LUZP2: variants seen among roughly 807,000 people sequenced by gnomAD.
LUZP2 encodes the protein leucine zipper protein 2.
In LUZP2, 52 loss-of-function variants were observed where a neutral mutation model predicts 51.6. The ratio of observed to expected loss-of-function variants is 1.01; its 90% confidence interval spans 0.81 to 1.27. The LOEUF (loss-of-function observed/expected upper bound fraction) is 1.27, where lower values mean the gene tolerates loss of function less well. Ranked by LOEUF, LUZP2 falls within the 50% of genes most tolerant of loss-of-function variation. The pLI is 0.00. For missense variants in LUZP2, 436 were observed against 395.4 expected (o/e 1.10, Z -0.87); for synonymous variants, 154 against 137.3 (o/e 1.12, Z -0.85).
chr11:24,764,142 G>A (rs557248305), intron 5 of LUZP2, among the ~76,000 whole-genome samples: 23 of 152,228 alleles, frequency 1.5e-4, no homozygotes, highest in Middle Eastern at 3.4e-3. Context: ...CATTTTAAAC[G>A]AGATTAAAGT....
chr11:24,965,403 T>C (rs1395192098), intron 7 of LUZP2, among the ~76,000 whole-genome samples: 1 of 151,430 alleles, frequency 6.6e-6, no homozygotes, highest in African/African-American at 2.4e-5. Context: ...TCAAAGCTTC[T>C]CTGGAATATC....
At chr11:25,014,543 G>A (rs565805541) in intron 9 of LUZP2, among the ~76,000 whole-genome samples, 8 of 152,294 alleles carry the variant, frequency 5.3e-5, no homozygotes, top group Admixed American at 5.2e-4. Context: ...CTGCATAAAT[G>A]ACTTCTTTTG....
At chr11:24,864,446 G>A (rs1590658090) in intron 5 of LUZP2, among the ~76,000 whole-genome samples, 1 of 152,324 alleles carries the variant, frequency 6.6e-6, no homozygotes, top group East Asian at 1.9e-4. Flanking sequence ...AATAAAGGCT[G>A]TGATAATCAA....
chr11:24,979,682 T>A (rs1855974341), intron 8 of LUZP2, among the ~76,000 whole-genome samples: 1 of 151,836 alleles, frequency 6.6e-6, no homozygotes, highest in African/African-American at 2.4e-5. Flanking sequence ...CAGTATCTTA[T>A]GAATTATATA....
chr11:24,550,091 G>C (rs1851680995), intron 1 of LUZP2, among the ~76,000 whole-genome samples: 1 of 151,918 alleles, frequency 6.6e-6, no homozygotes, highest in African/African-American at 2.4e-5. Context: ...TACATGGCTT[G>C]GGATTTGAGA....
chr11:24,629,849 A>G (rs1406736760), intron 1 of LUZP2, among the ~76,000 whole-genome samples: 1 of 151,822 alleles, frequency 6.6e-6, no homozygotes, highest in Non-Finnish European at 1.5e-5. Context: ...CATCCTCACT[A>G]ACGTCTGTTA....
intron 7 of LUZP2, among the ~76,000 whole-genome samples, chr11:24,960,416 C>G (rs1289967214): frequency 1.3e-5 from 2 of 152,112 alleles, no homozygotes; most frequent in Non-Finnish European, 2.9e-5. Flanking sequence ...TGATTATTGC[C>G]TCAATTTCAG....
At chr11:24,739,435 A>G (rs1194602882) in intron 4 of LUZP2, among the ~76,000 whole-genome samples, 2 of 151,980 alleles carry the variant, frequency 1.3e-5, no homozygotes, top group Non-Finnish European at 2.9e-5. Context: ...CTCTGGGAGG[A>G]GGACTTCTCA....
At position 24,498,584 on chromosome 11, in the gene LUZP2, G is replaced by T; in HGVS notation, c.62+1279G>T. Among the ~76,000 whole-genome samples the T allele has an allele frequency of 1.3e-5, 2 of 152,152 alleles. 1 individual carries two copies. Among genetic ancestry groups the T allele is most frequent in the Admixed American group, 1.3e-4 (2 of 15,280 alleles). ...TGATTCTTCATTTTCTGTAAGGTTT[G>T]CTTGTCACTTCAGCTCATAAAGTGC... On this transcript the variant is annotated intron_variant, in intron 1 of 11. Coordinates refer to ENST00000336930, the MANE Select transcript of LUZP2 (RefSeq NM_001009909.4).
At chr11:24,705,234 GC>G (rs1179631330) in intron 1 of LUZP2, among the ~76,000 whole-genome samples, 2 of 151,810 alleles carry the variant, frequency 1.3e-5, no homozygotes, top group Non-Finnish European at 2.9e-5. Flanking sequence ...GGTTGTTCTT[GC>G]CTCTTTAAAA....
In LUZP2 at chr11:24,799,469, G is replaced by A. The variant is rs142825083; in HGVS notation, c.396+36161G>A. 7.0e-3 allele frequency among the ~76,000 whole-genome samples: 1,064 copies of A among 151,968 alleles called. 12 individuals are homozygous for A. Among genetic ancestry groups the A allele is most frequent in the Middle Eastern group, 0.02 (6 of 294 alleles). ...AAATTAGCCAGGTGTGGTGGCAGGC[G>A]CCTGTAATCCCAGCTACTCAGAGGC... On this transcript the variant is annotated intron_variant, in intron 5 of 11. Coordinates refer to ENST00000336930, the MANE Select transcript of LUZP2 (RefSeq NM_001009909.4).
intron 5 of LUZP2, among the ~76,000 whole-genome samples, chr11:24,819,877 G>A (rs936457668): frequency 6.6e-6 from 1 of 152,032 alleles, no homozygotes. Flanking sequence ...TTCATTTTAT[G>A]AGCAAAAGAC....
chr11:24,642,369 A>G (rs1855319235), intron 1 of LUZP2, among the ~76,000 whole-genome samples: 1 of 151,686 alleles, frequency 6.6e-6, no homozygotes, highest in Admixed American at 6.6e-5. Context: ...ATGAGTTTTG[A>G]CAAATTCATT....
At chr11:24,725,944 A>G (rs1858459979) in intron 1 of LUZP2, among the ~76,000 whole-genome samples, 2 of 152,120 alleles carry the variant, frequency 1.3e-5, no homozygotes, top group African/African-American at 2.4e-5. Context: ...AGCCATTTGC[A>G]AGCTGATGAG....
Position 24,649,105 on chromosome 11 carries a change from C to T in LUZP2, c.63-80064C>T, listed in dbSNP as rs913905656. ...AGACAAAACATGGAGAAAACATGCA[C>T]AATTTAATACTTTGCCTTTTTTAAA... On this transcript the variant is annotated intron_variant, in intron 1 of 11. Coordinates refer to ENST00000336930, the MANE Select transcript of LUZP2 (RefSeq NM_001009909.4). Among the ~76,000 whole-genome samples the T allele has an allele frequency of 5.9e-5, 9 of 152,054 alleles. No homozygotes were observed. The Middle Eastern group carries it at 0.01, about 172-fold the overall frequency.
intron 1 of LUZP2, among the ~76,000 whole-genome samples, chr11:24,559,407 G>A (rs1851966172): frequency 6.6e-6 from 1 of 152,104 alleles, no homozygotes; most frequent in African/African-American, 2.4e-5. Context: ...CCACTTCAGT[G>A]GCTAAAAGAC....
At chr11:24,849,140 T>TC (rs398115169) in intron 5 of LUZP2, among the ~76,000 whole-genome samples, 1 of 147,098 alleles carries the variant, frequency 6.8e-6, no homozygotes, top group Non-Finnish European at 1.5e-5. Context: ...ATATCTTTTT[T>TC]ATTATTATAC....
At chr11:24,928,943 C>T (rs923984508) in intron 7 of LUZP2, among the ~76,000 whole-genome samples, 2 of 151,868 alleles carry the variant, frequency 1.3e-5, no homozygotes, top group South Asian at 2.1e-4. Flanking sequence ...CTATTTTTTC[C>T]CAGTTTAATC....
chr11:24,843,753 T>C (rs116472339), intron 5 of LUZP2, among the ~76,000 whole-genome samples: 2,093 of 152,154 alleles, frequency 0.014, 53 homozygotes, highest in African/African-American at 0.046. Flanking sequence ...GTGATTGAAT[T>C]ATGGGGGCGG....
Sources: gnomAD v4.1 joint callset for allele counts (sites outside exome capture counted in the v4.1 genomes callset) on GRCh38, gnomAD v4.1.1 for gene constraint, MANE v1.5 for transcripts, NCBI Gene and HGNC (gene_info 2026-07-23, HGNC 2026-07-21) for gene names.